Variants in NCKAP1 observed in about 807,000 individuals in gnomAD.
NCKAP1 encodes the protein NCK associated protein 1, also known as nck-associated protein 1.
In NCKAP1, 21 loss-of-function variants were observed where a neutral mutation model predicts 151.2. That is an observed-to-expected ratio of 0.14 (90% confidence interval 0.10 to 0.20). The LOEUF (loss-of-function observed/expected upper bound fraction) is 0.20, where lower values mean the gene tolerates loss of function less well. NCKAP1 is among the 10% of genes least tolerant of loss of function. The pLI is 1.00. For synonymous variants in NCKAP1, 484 were observed against 451.8 expected (o/e 1.07, Z -0.90); for missense variants, 933 against 1,352.1 (o/e 0.69, Z 4.86).
At chr2:182,932,513 GA>G (rs1174741809) in intron 26 of NCKAP1, among the ~76,000 whole-genome samples, 2 of 152,044 alleles carry the variant, frequency 1.3e-5, no homozygotes, top group East Asian at 3.9e-4. Flanking sequence ...TGGGGATGAT[GA>G]AAATGTTCTA....
rs1575009903 is a variant in NCKAP1, at chr2:182,927,060, T to C, written c.3181-155A>G. The C allele has an allele frequency of 1.3e-5, 7 of 525,878 alleles. No homozygotes were observed. The East Asian group carries it at 2.1e-4, about 16-fold the overall frequency. The allele number at this position is 525,878 out of a possible 1,614,324, so 32.6% of individuals were successfully genotyped here. A position where few individuals can be genotyped will look rare whatever the true frequency, so the allele number is the denominator to read the frequency against. On this transcript the variant is annotated intron_variant, in intron 29 of 30. Transcript: ENST00000361354. Reference sequence around the variant, plus strand: ...ATAAGATGAGCTTAGATAGCCTACATTCAAGCAGTAATTTAGAGAGTAATT... The same window carrying C: ...ATAAGATGAGCTTAGATAGCCTACACTCAAGCAGTAATTTAGAGAGTAATT...
intron 18 of NCKAP1, among the ~76,000 whole-genome samples, chr2:182,961,255 A>T (rs1156827607): frequency 5.3e-5 from 8 of 152,126 alleles, no homozygotes; most frequent in African/African-American, 1.4e-4. Context: ...GGATTATAAA[A>T]CATGCTGCTA....
intron 27 of NCKAP1, among the ~76,000 whole-genome samples, chr2:182,930,171 T>TC (rs1358989183): frequency 8.6e-5 from 13 of 151,958 alleles, no homozygotes; most frequent in African/African-American, 3.1e-4. Flanking sequence ...TGTCTTCTAG[T>TC]TATCTCCAAA....
intron 6 of NCKAP1, among the ~76,000 whole-genome samples, chr2:182,996,586 T>G (rs1225791534): frequency 6.6e-6 from 1 of 152,012 alleles, no homozygotes; most frequent in Non-Finnish European, 1.5e-5. Context: ...GCCTCCGGAG[T>G]AGCTGGAACT....
chr2:182,926,753 G>T, intron 30 of NCKAP1, 63 bp downstream of exon 30: 3 of 1,152,464 alleles, frequency 2.6e-6, no homozygotes, highest in Non-Finnish European at 3.8e-6. Context: ...AAGATGCCAA[G>T]AAAAGATTCT....
intron 20 of NCKAP1, 25 bp downstream of exon 20, chr2:182,956,436 CA>C: frequency 1.2e-6 from 2 of 1,600,154 alleles, no homozygotes; most frequent in South Asian, 2.3e-5. Context: ...AGTCAACAAA[CA>C]AAAACAGTCA....
intron 16 of NCKAP1, among the ~76,000 whole-genome samples, chr2:182,965,924 T>G (rs1220407851): frequency 6.6e-6 from 1 of 152,100 alleles, no homozygotes; most frequent in East Asian, 1.9e-4. Flanking sequence ...ATCTAAAAAG[T>G]ATACTTCCTA....
At chr2:183,009,475 G>GTAGCAAGC (rs1553517571) in intron 2 of NCKAP1, among the ~76,000 whole-genome samples, 6,232 of 100,318 alleles carry the variant, frequency 0.062, 258 homozygotes, top group Non-Finnish European at 0.084. Context: ...AGGAAGGAAG[G>GTAGCAAGC]AAGCAAGCAA....
chr2:183,031,214 T>C (rs1269565107), intron 1 of NCKAP1, among the ~76,000 whole-genome samples: 1 of 151,856 alleles, frequency 6.6e-6, no homozygotes, highest in Admixed American at 6.6e-5. Context: ...ACTTCAAAAT[T>C]AGTGATTCAA....
At chr2:182,994,910 T>C (rs569565813) in intron 7 of NCKAP1, 23 bp from the exon 8 acceptor site, 56 of 1,573,194 alleles carry the variant, frequency 3.6e-5, no homozygotes, top group Middle Eastern at 3.4e-4. Context: ...ATATATACAT[T>C]TGCAGTTAAA....
intron 23 of NCKAP1, among the ~76,000 whole-genome samples, chr2:182,950,034 G>A (rs1697183525): frequency 6.6e-6 from 1 of 152,146 alleles, no homozygotes; most frequent in Non-Finnish European, 1.5e-5. Context: ...TGGTCAGGAA[G>A]GACATTCTGA....
chr2:183,018,822 A>T (rs1343635017), intron 2 of NCKAP1, among the ~76,000 whole-genome samples: 1 of 152,236 alleles, frequency 6.6e-6, no homozygotes, highest in African/African-American at 2.4e-5. Context: ...AGTGCCTCTT[A>T]TGTGTCAGGC....
chr2:182,964,057 C>T (rs1320085492), intron 17 of NCKAP1, among the ~76,000 whole-genome samples: 1 of 152,060 alleles, frequency 6.6e-6, no homozygotes, highest in Non-Finnish European at 1.5e-5. Flanking sequence ...TAAAGAAATA[C>T]ATTATTTAAT....
intron 1 of NCKAP1, among the ~76,000 whole-genome samples, chr2:183,032,609 G>C (rs953345093): frequency 6.6e-6 from 1 of 152,054 alleles, no homozygotes; most frequent in African/African-American, 2.4e-5. Flanking sequence ...GTTATCTTAT[G>C]GGACTACTGT....
At chr2:183,004,022 T>TCTAG (rs1575059726) in intron 2 of NCKAP1, among the ~76,000 whole-genome samples, 1 of 152,182 alleles carries the variant, frequency 6.6e-6, no homozygotes, top group East Asian at 1.9e-4. Context: ...TCTAAAAGAA[T>TCTAG]CTAGCTATTT....
intron 2 of NCKAP1, among the ~76,000 whole-genome samples, chr2:183,011,180 G>C (rs1698584173): frequency 1.3e-5 from 2 of 152,064 alleles, no homozygotes; most frequent in Non-Finnish European, 2.9e-5. Flanking sequence ...TTACAATTTT[G>C]CCTAACCGGA....
chr2:182,962,039 T>A (rs74578005), intron 18 of NCKAP1, 120 bp downstream of exon 18: 4 of 1,033,386 alleles, frequency 3.9e-6, no homozygotes, highest in Non-Finnish European at 4.2e-6. Context: ...CAGCAGAGGT[T>A]TGAGGTTTAC....
chr2:182,950,661 A>G (rs1575024954), intron 23 of NCKAP1, among the ~76,000 whole-genome samples: 1 of 152,282 alleles, frequency 6.6e-6, no homozygotes, highest in East Asian at 1.9e-4. Flanking sequence ...AATAACAATG[A>G]GAGGATAATG....
chr2:183,023,526 T>C (rs370829931), intron 2 of NCKAP1, among the ~76,000 whole-genome samples: 5 of 152,300 alleles, frequency 3.3e-5, no homozygotes, highest in African/African-American at 1.2e-4. Context: ...GAATTTGGAA[T>C]ATATACATAT....
Sources: gnomAD v4.1 joint callset for allele counts (sites outside exome capture counted in the v4.1 genomes callset) on GRCh38, gnomAD v4.1.1 for gene constraint, MANE v1.5 for transcripts, NCBI Gene and HGNC (gene_info 2026-07-23, HGNC 2026-07-21) for gene names.